Variants in GFRA1 observed in about 807,000 individuals in gnomAD.
GFRA1 encodes the protein GDNF family receptor alpha 1.
Under a neutral mutation model 51.6 loss-of-function variants are expected in GFRA1, and 16 were observed. That is an observed-to-expected ratio of 0.31 (90% confidence interval 0.21 to 0.47). The LOEUF (loss-of-function observed/expected upper bound fraction) is 0.47. Among genes scored for constraint, GFRA1 ranks in the 20% least tolerant of loss-of-function variants. GFRA1 has a pLI of 1.00. For synonymous variants in GFRA1, 270 were observed against 241.3 expected (o/e 1.12, Z -1.10); for missense variants, 530 against 594.3 (o/e 0.89, Z 1.13).
chr10:116,186,649 A>C (rs1431252072), intron 5 of GFRA1, among the ~76,000 whole-genome samples: 2 of 151,680 alleles, frequency 1.3e-5, no homozygotes, highest in Non-Finnish European at 2.9e-5. Context: ...CTGTCTACAC[A>C]TGGGGGGCGG....
rs1954835312 is a variant in GFRA1 at position 116,061,868 on chromosome 10, C to A, written c.*2530G>T. On this transcript the variant is annotated 3_prime_UTR_variant, in exon 11 of 11. Coordinates refer to ENST00000355422, the MANE Select transcript of GFRA1 (RefSeq NM_005264.8). Reference sequence around the variant, plus strand: ...GTCACCGTGTCAAACTAAGATCACACTGAATGGCGGAAACCTTGCTTGGCT... The same window carrying A: ...GTCACCGTGTCAAACTAAGATCACAATGAATGGCGGAAACCTTGCTTGGCT... 2 of 397,332 alleles carry A rather than the reference C, an allele frequency of 5.0e-6. No homozygotes were observed. The highest frequency in any genetic ancestry group is 4.1e-5 in the African/African-American group (2 of 48,624). 24.6% of individuals were successfully genotyped at this position (397,332 alleles called of 1,614,324 possible).
Position 116,058,964 on chromosome 10 carries a change from G to A in GFRA1, c.*5434C>T, listed in dbSNP as rs1267654942. 1 of 152,142 alleles carries A rather than the reference G, an allele frequency of 6.6e-6. No homozygotes were observed. The highest frequency in any genetic ancestry group is 1.5e-5 in the Non-Finnish European group (1 of 68,042). The allele number at this position is 152,142 out of a possible 1,614,324, so 9.4% of individuals were successfully genotyped here. Reference sequence around the variant, plus strand: ...CGTTTTGGGCTCTGTCCTTCCTGGCGGATGTGAGCCTGTTGGGAGAGATGC... The same window carrying A: ...CGTTTTGGGCTCTGTCCTTCCTGGCAGATGTGAGCCTGTTGGGAGAGATGC... On this transcript the variant is annotated 3_prime_UTR_variant, in exon 11 of 11. Transcript: ENST00000355422.
chr10:116,162,981 G>A (rs1959984444), intron 5 of GFRA1, among the ~76,000 whole-genome samples: 1 of 152,158 alleles, frequency 6.6e-6, no homozygotes, highest in Non-Finnish European at 1.5e-5. Flanking sequence ...CTCTGTAACA[G>A]TCACATGTGC....
chr10:116,210,002 C>A (rs1465852810), intron 5 of GFRA1, among the ~76,000 whole-genome samples: 1 of 152,078 alleles, frequency 6.6e-6, no homozygotes, highest in African/African-American at 2.4e-5. Flanking sequence ...GGGTAGCTTG[C>A]GGCTTCCATC....
At chr10:116,078,551 C>A (rs1301696777) in intron 9 of GFRA1, among the ~76,000 whole-genome samples, 1 of 152,164 alleles carries the variant, frequency 6.6e-6, no homozygotes, top group Non-Finnish European at 1.5e-5. Flanking sequence ...AGGGGCCTTG[C>A]AGCTTAACAC....
At chr10:116,129,762 A>G (rs1002218307) in intron 5 of GFRA1, among the ~76,000 whole-genome samples, 18 of 152,154 alleles carry the variant, frequency 1.2e-4, no homozygotes, top group Non-Finnish European at 2.2e-4. Context: ...AATACATACT[A>G]TTTTTATTGA....
chr10:116,269,528 T>C lies in GFRA1; in HGVS notation c.393A>G (p.Ile131Met), dbSNP rs765114827. Reference protein sequence around the residue: ...YEPVNSRLSDIFRVVPFISDV... With the variant: ...YEPVNSRLSDMFRVVPFISDV... ...CTGATATGAATGGGACCACCCGGAA[T>C]ATATCTGACAATCTGCTGTTAACTG... The change falls in exon 4 of 11, where the codon ATA (isoleucine) becomes ATG (methionine). Residue 131 changes from isoleucine (I) to methionine (M), a missense_variant. Ile to Met is a conservative substitution (Grantham distance 10). Coordinates refer to ENST00000355422, the MANE Select transcript of GFRA1 (RefSeq NM_005264.8). 1 of 1,604,902 alleles carries C rather than the reference T, an allele frequency of 6.2e-7. No homozygotes were observed. The highest frequency in any genetic ancestry group is 8.5e-7 in the Non-Finnish European group (1 of 1,171,592).
intron 4 of GFRA1, among the ~76,000 whole-genome samples, chr10:116,215,904 G>A (rs995911523): frequency 1.3e-5 from 2 of 152,180 alleles, no homozygotes; most frequent in Admixed American, 1.3e-4. Flanking sequence ...AGCCCCTGGA[G>A]CCATTCTGGT....
intron 9 of GFRA1, among the ~76,000 whole-genome samples, chr10:116,085,895 G>A (rs965305178): frequency 3.3e-5 from 5 of 152,188 alleles, no homozygotes; most frequent in African/African-American, 4.8e-5. Flanking sequence ...TGAACCTCAC[G>A]AGGAACTAAG....
intron 4 of GFRA1, among the ~76,000 whole-genome samples, chr10:116,249,525 T>C (rs1264720522): frequency 6.6e-6 from 1 of 152,170 alleles, no homozygotes; most frequent in Non-Finnish European, 1.5e-5. Context: ...CCAAGTCTGC[T>C]TGAGATGAGT....
At chr10:116,250,253 G>A (rs1968219925) in intron 4 of GFRA1, among the ~76,000 whole-genome samples, 1 of 152,140 alleles carries the variant, frequency 6.6e-6, no homozygotes. Context: ...TCATCTCCTG[G>A]GGCATCGCCA....
At chr10:116,234,489 T>G (rs558954660) in intron 4 of GFRA1, among the ~76,000 whole-genome samples, 1 of 152,338 alleles carries the variant, frequency 6.6e-6, no homozygotes, top group East Asian at 1.9e-4. Flanking sequence ...GAAGGTCCAT[T>G]CATTTGGATC....
At chr10:116,190,785 T>C (rs1235671512) in intron 5 of GFRA1, among the ~76,000 whole-genome samples, 4 of 152,234 alleles carry the variant, frequency 2.6e-5, no homozygotes, top group African/African-American at 4.8e-5. Context: ...AGCCCTTCCT[T>C]TTCTCTTTGT....
At chr10:116,212,516 G>A (rs1000469211) in intron 4 of GFRA1, among the ~76,000 whole-genome samples, 11 of 119,132 alleles carry the variant, frequency 9.2e-5, no homozygotes, top group South Asian at 3.0e-4. Context: ...GCAAAATTCC[G>A]TCTCAAAACA....
chr10:116,243,595 G>C (rs2134646771), intron 4 of GFRA1, among the ~76,000 whole-genome samples: 1 of 151,286 alleles, frequency 6.6e-6, no homozygotes, highest in Admixed American at 6.6e-5. Flanking sequence ...AGGGAAACTG[G>C]GCACGTGTCT....
chr10:116,194,063 AT>A (rs11352244), intron 5 of GFRA1, among the ~76,000 whole-genome samples: 74,914 of 117,926 alleles, frequency 0.64, 20,742 homozygotes, highest in Middle Eastern at 0.68. Flanking sequence ...AATAAATAAA[AT>A]TTAAAAAAAA....
chr10:116,159,569 A>G (rs1163756832), intron 5 of GFRA1, among the ~76,000 whole-genome samples: 2 of 152,116 alleles, frequency 1.3e-5, no homozygotes, highest in African/African-American at 4.8e-5. Context: ...CCCTCATTTC[A>G]AAGTGTAAGG....
chr10:116,093,812 A>G lies in GFRA1; in HGVS notation c.905T>C (p.Ile302Thr), dbSNP rs1956459346. The change falls in exon 8 of 11, where the codon ATA becomes ACA. Residue 302 changes from isoleucine to threonine, a missense_variant. Transcript: ENST00000355422. ...LIGTVMTPNY[I>T]DSSSLSVAPW... Reference sequence around the variant, plus strand: ...GGCCACACTGAGGCTACTGGAGTCTATGTAGTTGGGGGTCATGACTGTGCC... The same window carrying G: ...GGCCACACTGAGGCTACTGGAGTCTGTGTAGTTGGGGGTCATGACTGTGCC... 4 of 1,613,830 alleles carry G rather than the reference A, an allele frequency of 2.5e-6. No homozygotes were observed. Among genetic ancestry groups the G allele is most frequent in the Non-Finnish European group, 3.4e-6 (4 of 1,179,832 alleles).
chr10:116,260,704 C>A (rs1969237398), intron 4 of GFRA1, among the ~76,000 whole-genome samples: 1 of 152,090 alleles, frequency 6.6e-6, no homozygotes, highest in Non-Finnish European at 1.5e-5. Context: ...TGCTTTCACC[C>A]CTAATTTCTG....
Sources: allele counts gnomAD v4.1 joint callset (sites outside exome capture counted in the v4.1 genomes callset), GRCh38; gene constraint gnomAD v4.1.1; transcripts MANE v1.5; gene names NCBI Gene and HGNC (gene_info 2026-07-23, HGNC 2026-07-21).